The following RSRP1 variants were observed in gnomAD, a reference collection of about 807,000 sequenced individuals.
RSRP1 encodes the protein arginine/serine-rich protein 1.
RSRP1 carries 37 observed loss-of-function variants against 33.0 expected under a neutral mutation model. The ratio of observed to expected loss-of-function variants is 1.12; its 90% CI spans 0.86 to 1.48. The LOEUF (loss-of-function observed/expected upper bound fraction) is 1.48, where lower values mean the gene tolerates loss of function less well. RSRP1 is among the 40% of genes most tolerant of loss of function. RSRP1 has a pLI of 0.00. For synonymous variants in RSRP1, 167 were observed against 158.7 expected (o/e 1.05, Z -0.40); for missense variants, 402 against 385.3 (o/e 1.04, Z -0.36).
At chr1:25,287,211 T>TG (rs1312386873) in intron 1 of RSRP1, among the ~76,000 whole-genome samples, 1 of 135,440 alleles carries the variant, frequency 7.4e-6, no homozygotes, top group African/African-American at 2.5e-5. Flanking sequence ...AAGGGCACCC[T>TG]GGGGGATTTC....
At position 25,275,523 on chromosome 1, in the gene RSRP1, C is replaced by T. The variant is rs1640888572; in HGVS notation, c.-66-28494G>A. On this transcript the variant is annotated intron_variant, in intron 1 of 1. Transcript: ENST00000561867. Reference sequence around the variant, plus strand: ...CTGTAGTGTAGTATTGACCTGAGGACTTCAACATTCTGATGGTGTACACAC... The same window carrying T: ...CTGTAGTGTAGTATTGACCTGAGGATTTCAACATTCTGATGGTGTACACAC... Among the ~76,000 whole-genome samples, 2 of 131,472 alleles carry T rather than the reference C, an allele frequency of 1.5e-5. 1 individual carries two copies. Among genetic ancestry groups the T allele is most frequent in the Non-Finnish European group, 3.6e-5 (2 of 55,644 alleles). 86.3% of individuals were successfully genotyped at this position (131,472 alleles called of 152,430 possible).
Position 25,290,533 on chromosome 1 carries a change from T to A in RSRP1, c.-66-43504A>T. The stretch of plus-strand genomic sequence containing the variant: ...GTCTTCTATTCCCACAGAAAGTAGG[T>A]GCCCAACAGTGTTTGTTGAAAGAAT... On this transcript the variant is annotated intron_variant, in intron 1 of 1. Transcript: ENST00000561867. 13 of 984,048 alleles carry A rather than the reference T, an allele frequency of 1.3e-5. 3 individuals carry two copies. The highest frequency in any genetic ancestry group is 2.1e-5 in the Non-Finnish European group (13 of 631,028). 61.0% of individuals were successfully genotyped at this position (984,048 alleles called of 1,614,324 possible).
rs1643982904 is a variant in RSRP1 at position 25,308,782 on chromosome 1, C to T, written c.-67+29196G>A. On this transcript the variant is annotated intron_variant, in intron 1 of 1. Transcript: ENST00000561867. ...CCAGGCAAAGGGAAGGGCATAGTGA[C>T]AGTGATGATCTCTCTTCCGGAAGTC... is the stretch of plus-strand genomic sequence containing the variant. Among the ~76,000 whole-genome samples, 3 of 129,358 alleles carry T rather than the reference C, an allele frequency of 2.3e-5. 1 individual carries two copies. Among genetic ancestry groups the T allele is most frequent in the Non-Finnish European group, 5.5e-5 (3 of 54,922 alleles). The allele number at this position is 129,358 out of a possible 152,430, so 84.9% of individuals were successfully genotyped here. A position where few individuals can be genotyped will look rare whatever the true frequency, so the allele number is the denominator to read the frequency against.
rs1296622342 is a variant in RSRP1 at position 25,295,971 on chromosome 1, T to C, written c.-67+42007A>G. ...TCTGCCTTCCAGGTTCAAGTGATTC[T>C]CCTGTCTCAGCTTCCCGAGTAGCTG... is the stretch of plus-strand genomic sequence containing the variant. On this transcript the variant is annotated intron_variant, in intron 1 of 1. Transcript: ENST00000561867. 1.7e-4 allele frequency among the ~76,000 whole-genome samples: 20 copies of C among 115,626 alleles called. 6 individuals carry two copies. The highest frequency in any genetic ancestry group is 3.6e-4 in the Non-Finnish European group (18 of 49,788). 75.9% of individuals were successfully genotyped at this position (115,626 alleles called of 152,430 possible). A position where few individuals can be genotyped will look rare whatever the true frequency, so the allele number is the denominator to read the frequency against.
chr1:25,311,362 C>G (rs1172398736), intron 1 of RSRP1, among the ~76,000 whole-genome samples: 1 of 130,378 alleles, frequency 7.7e-6, no homozygotes, highest in Non-Finnish European at 1.8e-5. Context: ...GATAAGAAAA[C>G]TAGTACACAT....
chr1:25,243,229 T>C (rs1302752936), intron 4 of RSRP1, among the ~76,000 whole-genome samples: 1 of 152,174 alleles, frequency 6.6e-6, no homozygotes, highest in East Asian at 1.9e-4. Context: ...GTATAATGAT[T>C]TTGAGGCTTC....
At chr1:25,263,385 T>A (rs1640220209) in intron 1 of RSRP1, among the ~76,000 whole-genome samples, 1 of 151,778 alleles carries the variant, frequency 6.6e-6, no homozygotes, top group Non-Finnish European at 1.5e-5. Flanking sequence ...GGACTTACAG[T>A]TCCACATGGC....
At chr1:25,302,393 T>TG (rs374435840) in intron 1 of RSRP1, among the ~76,000 whole-genome samples, 1 of 124,418 alleles carries the variant, frequency 8.0e-6, no homozygotes, top group African/African-American at 2.8e-5. Flanking sequence ...TGGGAGGCAC[T>TG]GGGGGGGCTG....
Position 25,303,191 on chromosome 1 carries a change from A to G in RSRP1, c.-67+34787T>C, listed in dbSNP as rs374690350. ...ACACGTAGCCCCAACACAGGGGAGA[A>G]GTGGTTTCAGGATCAGCAAAGCAGG... On this transcript the variant is annotated intron_variant, in intron 1 of 1. Coordinates refer to the RSRP1 transcript ENST00000561867. 3,938 of 992,972 alleles carry G rather than the reference A, an allele frequency of 4.0e-3. 408 individuals carry two copies. The African/African-American group carries it at 0.057, about 14-fold the overall frequency. 61.5% of individuals were successfully genotyped at this position (992,972 alleles called of 1,614,324 possible).
chr1:25,255,061 C>A (rs1209243342), intron 1 of RSRP1, among the ~76,000 whole-genome samples: 1 of 152,182 alleles, frequency 6.6e-6, no homozygotes, highest in Non-Finnish European at 1.5e-5. Context: ...CCATACCCAC[C>A]TTAACATCAG....
At chr1:25,313,580 G>A (rs1220533614) in intron 1 of RSRP1, among the ~76,000 whole-genome samples, 1 of 131,922 alleles carries the variant, frequency 7.6e-6, no homozygotes, top group African/African-American at 2.6e-5. Context: ...ATTATTGGAA[G>A]GAAAGTTTTG....
At position 25,279,865 on chromosome 1, in the gene RSRP1, C is replaced by A. The variant is rs1641321990; in HGVS notation, c.-66-32836G>T. 8.5e-5 allele frequency among the ~76,000 whole-genome samples: 11 copies of A among 129,936 alleles called. 3 individuals are homozygous for A. Among genetic ancestry groups the A allele is most frequent in the Admixed American group, 8.2e-4 (11 of 13,428 alleles). The allele number at this position is 129,936 out of a possible 152,430, so 85.2% of individuals were successfully genotyped here. A position where few individuals can be genotyped will look rare whatever the true frequency, so the allele number is the denominator to read the frequency against. Reference sequence around the variant, plus strand: ...GGGTAGCACATCCACTTCTTATCACCCCTGAACACCTTAGAGCCCATCAGC... The same window carrying A: ...GGGTAGCACATCCACTTCTTATCACACCTGAACACCTTAGAGCCCATCAGC... On this transcript the variant is annotated intron_variant, in intron 1 of 1. Transcript: ENST00000561867.
rs1301440077 is a variant in RSRP1 at position 25,332,573 on chromosome 1, C to T, written c.-67+5405G>A. Among the ~76,000 whole-genome samples the T allele has an allele frequency of 4.6e-5, 6 of 131,692 alleles. 3 individuals are homozygous for T. Among genetic ancestry groups the T allele is most frequent in the African/African-American group, 1.6e-4 (6 of 38,616 alleles). The allele number at this position is 131,692 out of a possible 152,430, so 86.4% of individuals were successfully genotyped here. A position where few individuals can be genotyped will look rare whatever the true frequency, so the allele number is the denominator to read the frequency against. ...GAGTTCAGGAGTCCCACACTGCGAA[C>T]CATATTACCTAATAATCCAACCTGC... On this transcript the variant is annotated intron_variant, in intron 1 of 1. Coordinates refer to the RSRP1 transcript ENST00000561867.
chr1:25,269,929 T>A (rs1640442545), intron 1 of RSRP1, among the ~76,000 whole-genome samples: 1 of 132,182 alleles, frequency 7.6e-6, no homozygotes, highest in East Asian at 2.0e-4. Flanking sequence ...CTGGTAAACA[T>A]GCCCATCAGG....
In RSRP1 at chr1:25,329,583, C is replaced by A. The variant is rs1258639782; in HGVS notation, c.-67+8395G>T. ...ACAGATAACAGTGTGCTCATAGAAA[C>A]TGCTTTGACATGACTGCAATCATGT... On this transcript the variant is annotated intron_variant, in intron 1 of 1. Coordinates refer to the RSRP1 transcript ENST00000561867. The A allele has an allele frequency of 2.7e-5, 4 of 150,036 alleles. 1 individual carries two copies. The highest frequency in any genetic ancestry group is 6.2e-5 in the Non-Finnish European group (4 of 64,978). The allele number at this position is 150,036 out of a possible 1,614,324, so 9.3% of individuals were successfully genotyped here.
chr1:25,284,344 T>C (rs1387694123), intron 1 of RSRP1, among the ~76,000 whole-genome samples: 2 of 135,868 alleles, frequency 1.5e-5, no homozygotes, highest in East Asian at 1.9e-4. Context: ...AAGTGCTTAA[T>C]TAGCTTTAGC....
In RSRP1 at chr1:25,285,653, G is replaced by A. The variant is rs535952424; in HGVS notation, c.-66-38624C>T. On this transcript the variant is annotated intron_variant, in intron 1 of 1. Coordinates refer to the RSRP1 transcript ENST00000561867. ...GATTAGGAAGGAACACAAAATAACC[G>A]CATGGGGTGCAGAAAATGTTCTCTA... is the stretch of plus-strand genomic sequence containing the variant. 1.4e-4 allele frequency among the ~76,000 whole-genome samples: 19 copies of A among 135,416 alleles called. 2 individuals carry two copies. Among genetic ancestry groups the A allele is most frequent in the South Asian group, 4.4e-4 (2 of 4,552 alleles). 88.8% of individuals were successfully genotyped at this position (135,416 alleles called of 152,430 possible).
chr1:25,315,913 CA>C lies in RSRP1; in HGVS notation c.-67+22064del, dbSNP rs1451847093. ...CTTTATAATGAACAATCAGTAAAGA[CA>C]GGGAAGATAACCAAATGACATACAA... is the stretch of plus-strand genomic sequence containing the variant. On this transcript the variant is annotated intron_variant, in intron 1 of 1. Transcript: ENST00000561867. Among the ~76,000 whole-genome samples, 2 of 131,892 alleles carry C rather than the reference CA, an allele frequency of 1.5e-5. 1 individual carries two copies. The highest frequency in any genetic ancestry group is 3.6e-5 in the Non-Finnish European group (2 of 55,884). 86.5% of individuals were successfully genotyped at this position (131,892 alleles called of 152,430 possible).
chr1:25,245,834 G>A (rs545121007), intron 2 of RSRP1, among the ~76,000 whole-genome samples: 1 of 152,198 alleles, frequency 6.6e-6, no homozygotes, highest in South Asian at 2.1e-4. Flanking sequence ...TTTTTCTGCT[G>A]TAGATTCTTT....
Sources: allele counts gnomAD v4.1 joint callset (sites outside exome capture counted in the v4.1 genomes callset), GRCh38; gene constraint gnomAD v4.1.1; transcripts MANE v1.5; gene names NCBI Gene and HGNC (gene_info 2026-07-23, HGNC 2026-07-21).